CACNA2D3: variants seen among roughly 807,000 people sequenced by gnomAD.
The protein encoded by CACNA2D3 is voltage-dependent calcium channel subunit alpha-2/delta-3.
Under a neutral mutation model 160.6 loss-of-function variants are expected in CACNA2D3, and 60 were observed. The observed-to-expected ratio is 0.37, with a 90% confidence interval of 0.30 to 0.46. The LOEUF (loss-of-function observed/expected upper bound fraction) is 0.46. CACNA2D3 is among the 20% of genes least tolerant of loss of function. The pLI is 1.00. For synonymous variants in CACNA2D3, 558 were observed against 492.9 expected (o/e 1.13, Z -1.75); for missense variants, 1,205 against 1,365.0 (o/e 0.88, Z 1.85).
chr3:54,752,688 G>T lies in CACNA2D3; in HGVS notation c.1246+11G>T. The T allele has an allele frequency of 1.2e-6, 2 of 1,602,958 alleles. No individual in the cohort carries two copies. Among genetic ancestry groups the T allele is most frequent in the East Asian group, 2.2e-5 (1 of 44,646 alleles). ...CCTGTGCCAACAAAGGTGGGTCTTC[G>T]CATTGTGCTCGGCTCTGAATAACTT... On this transcript the variant is annotated intron_variant, in intron 12 of 37. Transcript: ENST00000474759.
At position 54,698,119 on chromosome 3, in the gene CACNA2D3, T is replaced by G. The variant is rs183929762; in HGVS notation, c.1168-54480T>G. Among the ~76,000 whole-genome samples the G allele has an allele frequency of 4.3e-3, 650 of 150,494 alleles. 3 individuals are homozygous for G. The highest frequency in any genetic ancestry group is 6.3e-3 in the Non-Finnish European group (426 of 67,528). On this transcript the variant is annotated intron_variant, in intron 11 of 37. Transcript: ENST00000474759. The stretch of plus-strand genomic sequence containing the variant: ...TCCAAATAATATTTTCAAGCTATTT[T>G]CAGATCCTGGCGACAATTGACTACT...
chr3:54,822,792 T>C (rs1423023041), intron 14 of CACNA2D3, among the ~76,000 whole-genome samples: 2 of 59,260 alleles, frequency 3.4e-5, no homozygotes, highest in Non-Finnish European at 6.9e-5. Flanking sequence ...CTTTCTTTCC[T>C]TTCTTTCTTT....
At chr3:54,680,404 G>A (rs1473543246) in intron 11 of CACNA2D3, among the ~76,000 whole-genome samples, 2 of 152,186 alleles carry the variant, frequency 1.3e-5, no homozygotes, top group African/African-American at 4.8e-5. Context: ...GATGAATGGA[G>A]TTTTTATTGA....
chr3:54,126,390 CACAA>C (rs1376392841), intron 2 of CACNA2D3, among the ~76,000 whole-genome samples: 3 of 152,114 alleles, frequency 2.0e-5, no homozygotes, highest in African/African-American at 7.2e-5. Flanking sequence ...TCAATGTAAA[CACAA>C]ACATTTAGCA....
chr3:54,331,622 T>C (rs535047017), intron 3 of CACNA2D3, among the ~76,000 whole-genome samples: 1 of 152,346 alleles, frequency 6.6e-6, no homozygotes, highest in African/African-American at 2.4e-5. Flanking sequence ...CTTGTGAAGT[T>C]GGATTTAAAA....
At chr3:54,456,258 A>G (rs1338066071) in intron 4 of CACNA2D3, among the ~76,000 whole-genome samples, 1 of 151,856 alleles carries the variant, frequency 6.6e-6, no homozygotes, top group Non-Finnish European at 1.5e-5. Context: ...ACTTCCTTGT[A>G]GAGATCTTTT....
intron 2 of CACNA2D3, among the ~76,000 whole-genome samples, chr3:54,162,201 C>T (rs117953087): frequency 9.2e-5 from 14 of 152,220 alleles, no homozygotes; most frequent in South Asian, 2.1e-4. Flanking sequence ...TGCTGAGTAA[C>T]GACACACCGC....
chr3:54,137,075 C>T (rs993401299), intron 2 of CACNA2D3, among the ~76,000 whole-genome samples: 12 of 152,140 alleles, frequency 7.9e-5, no homozygotes, highest in Admixed American at 2.0e-4. Flanking sequence ...TTTACAAATC[C>T]GTGTGCGTGG....
intron 5 of CACNA2D3, among the ~76,000 whole-genome samples, chr3:54,549,572 G>A (rs1220857918): frequency 1.3e-5 from 2 of 152,216 alleles, no homozygotes; most frequent in African/African-American, 4.8e-5. Flanking sequence ...CACGGAAGCC[G>A]TGACTGTGTA....
chr3:54,666,284 T>C (rs1255358073), intron 11 of CACNA2D3, among the ~76,000 whole-genome samples: 1 of 152,196 alleles, frequency 6.6e-6, no homozygotes, highest in Non-Finnish European at 1.5e-5. Context: ...TCTTCAAAGA[T>C]AGTCATATTC....
intron 2 of CACNA2D3, among the ~76,000 whole-genome samples, chr3:54,297,471 G>T (rs1463036792): frequency 6.6e-6 from 1 of 152,090 alleles, no homozygotes; most frequent in Non-Finnish European, 1.5e-5. Context: ...TCGGCATGCA[G>T]GGGCCATAAA....
intron 12 of CACNA2D3, among the ~76,000 whole-genome samples, chr3:54,757,115 A>G (rs1701986103): frequency 6.6e-6 from 1 of 152,236 alleles, no homozygotes; most frequent in Non-Finnish European, 1.5e-5. Flanking sequence ...TCACAAAGCC[A>G]TGGTGACCTT....
intron 24 of CACNA2D3, 63 bp from the exon 25 acceptor site, chr3:54,891,287 TTAAAA>T: frequency 9.3e-7 from 1 of 1,077,368 alleles, no homozygotes; most frequent in East Asian, 2.4e-5. Context: ...TCTGTGAGTC[TTAAAA>T]TGCAATGTAT....
intron 16 of CACNA2D3, among the ~76,000 whole-genome samples, chr3:54,840,903 T>C (rs1386158127): frequency 6.6e-6 from 1 of 150,818 alleles, no homozygotes; most frequent in Non-Finnish European, 1.5e-5. Context: ...TTTATATTTT[T>C]AGTAGAGATG....
chr3:54,449,813 C>A (rs554925070), intron 4 of CACNA2D3, among the ~76,000 whole-genome samples: 1 of 152,308 alleles, frequency 6.6e-6, no homozygotes, highest in South Asian at 2.1e-4. Context: ...CCTGTACAGC[C>A]TGTAGAGAAG....
chr3:54,902,583 G>T (rs1700360056), intron 27 of CACNA2D3, among the ~76,000 whole-genome samples: 1 of 152,210 alleles, frequency 6.6e-6, no homozygotes, highest in Non-Finnish European at 1.5e-5. Context: ...GGAAGAAGTG[G>T]TGGGACTCTC....
At position 54,611,113 on chromosome 3, in the gene CACNA2D3, T is replaced by C. The variant is rs562934097; in HGVS notation, c.964-16674T>C. 3.0e-4 allele frequency among the ~76,000 whole-genome samples: 46 copies of C among 152,334 alleles called. No individual in the cohort carries two copies. The South Asian group carries it at 9.3e-3, about 31-fold the overall frequency. On this transcript the variant is annotated intron_variant, in intron 9 of 37. Transcript: ENST00000474759. The stretch of plus-strand genomic sequence containing the variant: ...CCTAATTGAGGGACTCAGCCAAGCC[T>C]CGTGCAGAAATAACCTTTGAGAGTT...
chr3:54,204,356 G>C (rs1355947911), intron 2 of CACNA2D3, among the ~76,000 whole-genome samples: 1 of 138,510 alleles, frequency 7.2e-6, no homozygotes, highest in Non-Finnish European at 1.5e-5. Flanking sequence ...ATATGTATAT[G>C]GCTCTGTTTC....
chr3:54,929,224 C>T (rs1386414985), intron 27 of CACNA2D3, among the ~76,000 whole-genome samples: 1 of 152,158 alleles, frequency 6.6e-6, no homozygotes, highest in Non-Finnish European at 1.5e-5. Context: ...AACATTAGCC[C>T]TTACTTTACC....
Sources: gnomAD v4.1 joint callset for allele counts (sites outside exome capture counted in the v4.1 genomes callset) on GRCh38, gnomAD v4.1.1 for gene constraint, MANE v1.5 for transcripts, NCBI Gene and HGNC (gene_info 2026-07-23, HGNC 2026-07-21) for gene names.